Variants in EIF2D observed in about 807,000 individuals in gnomAD.
EIF2D encodes the protein hepatocellular carcinoma-associated antigen 56.
In EIF2D, 56 loss-of-function variants were observed where a neutral mutation model predicts 77.4. The ratio of observed to expected loss-of-function variants is 0.72; its 90% confidence interval spans 0.58 to 0.90. The LOEUF is 0.90. EIF2D is among the 40% of genes least tolerant of loss of function. EIF2D has a pLI of 0.00. For synonymous variants in EIF2D, 230 were observed against 271.0 expected, an observed-to-expected ratio of 0.85 and a Z score of 1.49; for missense variants, 574 against 706.5, an observed-to-expected ratio of 0.81 and a Z score of 2.13.
intron 13 of EIF2D, 184 bp downstream of exon 13, chr1:206,595,534 G>C (rs188009221): frequency 5.4e-5 from 29 of 539,606 alleles, no homozygotes; most frequent in Admixed American, 4.7e-4. Flanking sequence ...GGCAGTGAGT[G>C]AGCGGGGTCA....
downstream of EIF2D, among the ~76,000 whole-genome samples, chr1:206,591,276 A>G (rs1669330817): frequency 6.6e-6 from 1 of 152,184 alleles, no homozygotes; most frequent in Non-Finnish European, 1.5e-5. Context: ...TCTGATTTCT[A>G]TCTAGCCTAA....
chr1:206,609,591 T>TG, intron 2 of EIF2D, 132 bp from the exon 3 acceptor site: 2 of 661,240 alleles, frequency 3.0e-6, no homozygotes, highest in Non-Finnish European at 4.9e-6. Context: ...AAGAGAAGGT[T>TG]GTAAGGGGAT....
intron 4 of EIF2D, among the ~76,000 whole-genome samples, chr1:206,580,504 G>GGCCA (rs1553406070): frequency 6.6e-6 from 1 of 152,170 alleles, no homozygotes; most frequent in East Asian, 1.9e-4. Flanking sequence ...ATAGGGGTAG[G>GGCCA]GCCAGGGTCA....
chr1:206,609,885 T>C lies in EIF2D; in HGVS notation c.248-426A>G, dbSNP rs369908257. 3.2e-4 allele frequency among the ~76,000 whole-genome samples: 49 copies of C among 152,326 alleles called. 4 individuals carry two copies. Among genetic ancestry groups the C allele is most frequent in the East Asian group, 1.5e-3 (8 of 5,184 alleles). ...ACCCCTAGGTCAAAAAGCATTGTGG[T>C]TGTCTTCAGGTACAGCAAGGAAGTG... is the stretch of plus-strand genomic sequence containing the variant. On this transcript the variant is annotated intron_variant, in intron 2 of 14. Coordinates refer to ENST00000271764, the MANE Select transcript of EIF2D (RefSeq NM_006893.3).
chr1:206,597,245 A>G, intron 11 of EIF2D, 50 bp from the exon 12 acceptor site: 1 of 1,389,968 alleles, frequency 7.2e-7, no homozygotes, highest in Non-Finnish European at 1.0e-6. Flanking sequence ...GTCCCTTCTG[A>G]CCTGAAGGCT....
chr1:206,600,554 G>A, intron 7 of EIF2D: 1 of 441,408 alleles, frequency 2.3e-6, no homozygotes, highest in Non-Finnish European at 4.0e-6. Context: ...TAACAGGGCA[G>A]CCATTAGCCA....
chr1:206,589,123 C>T (rs11539428), downstream of EIF2D: 6,949 of 152,754 alleles, frequency 0.045, 444 homozygotes, highest in African/African-American at 0.14. Context: ...ATCGAGTACC[C>T]GTTCCCTCCC....
At chr1:206,603,299 AGAGCCAACAGGCAG>A in intron 5 of EIF2D, 95 bp from the exon 6 acceptor site, 1 of 1,516,592 alleles carries the variant, frequency 6.6e-7, no homozygotes, top group Non-Finnish European at 8.8e-7. Flanking sequence ...GAGACAGCAG[AGAGCCAACAGGCAG>A]GAGTGGCCAG....
rs782384988 is a variant in EIF2D, at chr1:206,600,254, CT to C, written c.948+8del. ...TCTGCATGGGTCTGCAAAGAAGATCCTTGCTTACCTTTTTGTAGCTTGACTT... is the reference window on the plus strand; with the variant it reads ...TCTGCATGGGTCTGCAAAGAAGATCCTGCTTACCTTTTTGTAGCTTGACTT... On this transcript the variant is annotated splice_region_variant and intron_variant, in intron 8 of 14. Transcript: ENST00000271764. The C allele has an allele frequency of 1.2e-6, 2 of 1,613,804 alleles. No homozygotes were observed. The highest frequency in any genetic ancestry group is 3.3e-5 in the Admixed American group (2 of 59,988).
At chr1:206,583,292 G>A in intron 2 of EIF2D, 1 of 1,613,560 alleles carries the variant, frequency 6.2e-7, no homozygotes, top group Non-Finnish European at 8.5e-7. Context: ...CTGTGGAGGA[G>A]ACACAGCGCC....
intron 13 of EIF2D, chr1:206,594,536 G>A (rs782244994): frequency 1.3e-5 from 2 of 152,182 alleles, no homozygotes; most frequent in Non-Finnish European, 1.5e-5. Flanking sequence ...GGGGTGTGTG[G>A]GGGATGACTG....
At chr1:206,582,325 A>T (rs954448707) in intron 2 of EIF2D, among the ~76,000 whole-genome samples, 1 of 152,222 alleles carries the variant, frequency 6.6e-6, no homozygotes, top group African/African-American at 2.4e-5. Context: ...GCATCTGGGA[A>T]CATATGAGAA....
intron 12 of EIF2D, among the ~76,000 whole-genome samples, chr1:206,596,763 G>A (rs544891791): frequency 6.6e-6 from 1 of 152,172 alleles, no homozygotes; most frequent in South Asian, 2.1e-4. Context: ...ATGGCTCAAT[G>A]CAGCCTCCAC....
At position 206,575,621 on chromosome 1, in the gene EIF2D, C is replaced by T. The variant is rs1476856796; in HGVS notation, c.*255-2922G>A. Among the ~76,000 whole-genome samples the T allele has an allele frequency of 6.6e-5, 10 of 152,158 alleles. No homozygotes were observed. The South Asian group carries it at 1.7e-3, about 25-fold the overall frequency. On this transcript the variant is annotated intron_variant and NMD_transcript_variant, in intron 4 of 5. Coordinates refer to the EIF2D transcript ENST00000472709. ...CCTCCAAGAGGCCCCCATCTCCACA[C>T]CCAATTCTCTGAAATAGAAGAGGAA...
intron 6 of EIF2D, 178 bp downstream of exon 6, chr1:206,602,773 T>C: frequency 1.1e-6 from 1 of 924,468 alleles, no homozygotes; most frequent in South Asian, 1.8e-5. Flanking sequence ...GTGACTTATG[T>C]GGAAAGGATT....
chr1:206,599,864 G>T lies in EIF2D; in HGVS notation c.949-28C>A, dbSNP rs888341070. 5 of 1,602,650 alleles carry T rather than the reference G, an allele frequency of 3.1e-6. No individual in the cohort carries two copies. Among genetic ancestry groups the T allele is most frequent in the African/African-American group, 1.3e-5 (1 of 74,686 alleles). Reference sequence around the variant, plus strand: ...AAGGGAGAGAGGGCCAGTGGTAGGGGACTTCATTGATTCCACACACATACT... The same window carrying T: ...AAGGGAGAGAGGGCCAGTGGTAGGGTACTTCATTGATTCCACACACATACT... On this transcript the variant is annotated intron_variant, in intron 8 of 14. Coordinates refer to ENST00000271764, the MANE Select transcript of EIF2D (RefSeq NM_006893.3). The surrounding 1 kb of genome is among the most constrained non-coding windows in gnomAD (Gnocchi z 4.1).
Position 206,595,762 on chromosome 1 carries a change from A to G in EIF2D, c.1465T>C (p.Cys489Arg), listed in dbSNP as rs565398704. 5 of 1,614,222 alleles carry G rather than the reference A, an allele frequency of 3.1e-6. No homozygotes were observed. The African/African-American group carries it at 4.0e-5, about 13-fold the overall frequency. The change falls in exon 13 of 15, where the codon TGT (cysteine) becomes CGT (arginine). Residue 489 changes from cysteine to arginine, a missense_variant. Transcript: ENST00000271764. The stretch of plus-strand genomic sequence containing the variant: ...TGTGCTAGGGTGATGTCAATTGGAC[A>G]GATTCTCCCTTTCTTCACAATGGGC... Reference protein sequence around the residue: ...QEPIVKKGRICPIDITLAQRA... With the variant: ...QEPIVKKGRIRPIDITLAQRA...
chr1:206,582,671 T>C (rs1558523184), intron 2 of EIF2D, among the ~76,000 whole-genome samples: 2 of 152,216 alleles, frequency 1.3e-5, no homozygotes, highest in Admixed American at 1.3e-4. Flanking sequence ...CAAATAGATA[T>C]TTACTTCTTG....
intron 2 of EIF2D, among the ~76,000 whole-genome samples, chr1:206,610,734 T>C (rs1670438101): frequency 6.6e-6 from 1 of 152,072 alleles, no homozygotes; most frequent in South Asian, 2.1e-4. Flanking sequence ...GGCAAGAGAA[T>C]GGTGTGAACC....
Sources: gnomAD v4.1 joint callset for allele counts (sites outside exome capture counted in the v4.1 genomes callset) on GRCh38, gnomAD v4.1.1 for gene constraint, Gnocchi (gnomAD v3.1) non-coding constraint, MANE v1.5 for transcripts, NCBI Gene and HGNC (gene_info 2026-07-23, HGNC 2026-07-21) for gene names.